Variants in C12orf42 observed in about 807,000 individuals in gnomAD.
The protein encoded by C12orf42 is chromosome 12 open reading frame 42.
A neutral mutation model predicts 21.6 loss-of-function variants in C12orf42; 25 were observed. That is an observed-to-expected ratio of 1.16 (90% CI 0.84 to 1.62). The LOEUF (loss-of-function observed/expected upper bound fraction) is 1.62, where lower values mean the gene tolerates loss of function less well. Ranked by LOEUF, C12orf42 falls within the 40% of genes most tolerant of loss-of-function variation. The probability of loss-of-function intolerance (pLI) is 0.00; values close to 1 mark genes in which losing one functional copy is unlikely to be tolerated. For synonymous variants in C12orf42, 174 were observed against 175.0 expected, an observed-to-expected ratio of 0.99 and a Z score of 0.05; for missense variants, 483 against 459.3, an observed-to-expected ratio of 1.05 and a Z score of -0.47.
chr12:103,223,763 T>A, the C12orf42 span, among the ~76,000 whole-genome samples: 1 of 152,070 alleles, frequency 6.6e-6, no homozygotes, highest in Non-Finnish European at 1.5e-5. Context: ...AAAAGGAGCA[T>A]CTATACAGGA....
intron 3 of C12orf42, among the ~76,000 whole-genome samples, chr12:103,384,299 A>G (rs934430856): frequency 3.9e-5 from 6 of 152,206 alleles, no homozygotes; most frequent in Non-Finnish European, 8.8e-5. Flanking sequence ...AGAAACAAAA[A>G]GGCAACTAAA....
chr12:103,260,899 T>C (rs1346739767), intron 10 of C12orf42, among the ~76,000 whole-genome samples: 1 of 152,206 alleles, frequency 6.6e-6, no homozygotes, highest in East Asian at 1.9e-4. Flanking sequence ...GCTTTCTTAG[T>C]TGTCCCCTGA....
chr12:103,405,414 C>T (rs1264599336), intron 2 of C12orf42, among the ~76,000 whole-genome samples: 1 of 152,102 alleles, frequency 6.6e-6, no homozygotes, highest in Non-Finnish European at 1.5e-5. Context: ...TGTGGAGGGG[C>T]ATGTTCCAAT....
the C12orf42 span, among the ~76,000 whole-genome samples, chr12:103,126,362 C>T: frequency 1.3e-5 from 2 of 152,078 alleles, no homozygotes; most frequent in Admixed American, 6.5e-5. Flanking sequence ...ATTTGAAAGT[C>T]CATTACTGGT....
chr12:103,263,579 G>C (rs933619021), downstream of C12orf42, among the ~76,000 whole-genome samples: 1 of 152,204 alleles, frequency 6.6e-6, no homozygotes, highest in South Asian at 2.1e-4. Context: ...CGGTGGGATA[G>C]AGCCCTACAT....
At chr12:103,505,493 G>T in the C12orf42 span, 1 of 388,238 alleles carries the variant, frequency 2.6e-6, no homozygotes, top group Non-Finnish European at 4.8e-6. Context: ...GAACGTGGTA[G>T]GGACGGCATT....
rs182640025 is a variant in C12orf42 at position 103,382,283 on chromosome 12, C to T, written c.148-13285G>A. On this transcript the variant is annotated intron_variant, in intron 3 of 5. Coordinates refer to ENST00000548883, the MANE Select transcript of C12orf42 (RefSeq NM_198521.5). ...TTCTATGGCTGATTTCATCTACTTC[C>T]GATTGCTTTTATATTTTAGTAACAA... 7.9e-5 allele frequency among the ~76,000 whole-genome samples: 12 copies of T among 152,232 alleles called. No homozygotes were observed. The East Asian group carries it at 1.9e-3, about 24-fold the overall frequency.
the C12orf42 span, among the ~76,000 whole-genome samples, chr12:103,220,557 C>T: frequency 2.0e-5 from 3 of 152,008 alleles, no homozygotes; most frequent in African/African-American, 7.3e-5. Flanking sequence ...CAATAGCGTT[C>T]GTGAGAAAAT....
chr12:103,551,498 T>C, the C12orf42 span, among the ~76,000 whole-genome samples: 2 of 151,998 alleles, frequency 1.3e-5, no homozygotes, highest in Non-Finnish European at 2.9e-5. Flanking sequence ...GACTGAGTGA[T>C]AGAGCAAGAC....
chr12:103,228,194 C>A, the C12orf42 span, among the ~76,000 whole-genome samples: 42 of 152,026 alleles, frequency 2.8e-4, no homozygotes, highest in East Asian at 5.8e-4. Flanking sequence ...CGGGCTGAGT[C>A]CAAAAGAGAG....
intron 4 of C12orf42, among the ~76,000 whole-genome samples, chr12:103,365,200 A>G (rs577538751): frequency 6.6e-6 from 1 of 152,216 alleles, no homozygotes; most frequent in Non-Finnish European, 1.5e-5. Flanking sequence ...GATACACCAC[A>G]CAAACAGAAT....
At chr12:103,233,499 T>C (rs1231575868), downstream of C12orf42, among the ~76,000 whole-genome samples, 1 of 152,200 alleles carries the variant, frequency 6.6e-6, no homozygotes, top group African/African-American at 2.4e-5. Flanking sequence ...ATTTCCTTCA[T>C]CTGAGTTTTG....
chr12:103,415,760 T>G (rs1384809031), intron 2 of C12orf42, among the ~76,000 whole-genome samples: 1 of 152,174 alleles, frequency 6.6e-6, no homozygotes, highest in Non-Finnish European at 1.5e-5. Context: ...AAAATCAGAC[T>G]GTAAGATATT....
intron 2 of C12orf42, among the ~76,000 whole-genome samples, chr12:103,468,595 C>G (rs1953329444): frequency 6.6e-6 from 1 of 152,176 alleles, no homozygotes; most frequent in Non-Finnish European, 1.5e-5. Context: ...AGGCAATCCT[C>G]CCCATTCTTG....
chr12:103,534,391 G>A, the C12orf42 span, among the ~76,000 whole-genome samples: 9 of 152,080 alleles, frequency 5.9e-5, no homozygotes, highest in Admixed American at 5.9e-4. Flanking sequence ...TGCCAAGCGA[G>A]ACTAAAGGGA....
chr12:103,270,963 A>G (rs1346335835), intron 5 of C12orf42, among the ~76,000 whole-genome samples: 1 of 152,178 alleles, frequency 6.6e-6, no homozygotes. Flanking sequence ...ACAAGGTAGG[A>G]AAGAATTATG....
chr12:103,532,119 T>C, the C12orf42 span, among the ~76,000 whole-genome samples: 1 of 152,146 alleles, frequency 6.6e-6, no homozygotes, highest in Non-Finnish European at 1.5e-5. Context: ...TGTTAATATC[T>C]CCATTTTATA....
chr12:103,138,276 C>T, the C12orf42 span, among the ~76,000 whole-genome samples: 2 of 152,176 alleles, frequency 1.3e-5, no homozygotes, highest in African/African-American at 4.8e-5. Flanking sequence ...GTAATCCCCA[C>T]AGACAGGGGA....
chr12:103,549,584 G>A, the C12orf42 span: 10 of 152,186 alleles, frequency 6.6e-5, no homozygotes, highest in Non-Finnish European at 1.2e-4. Flanking sequence ...GAAAGGAAGA[G>A]AGGATAAAGG....
Sources: gnomAD v4.1 joint callset for allele counts (sites outside exome capture counted in the v4.1 genomes callset) on GRCh38, gnomAD v4.1.1 for gene constraint, MANE v1.5 for transcripts, NCBI Gene and HGNC (gene_info 2026-07-23, HGNC 2026-07-21) for gene names.